The following ATRNL1 variants were observed in gnomAD, a reference collection of about 807,000 sequenced individuals.
The protein encoded by ATRNL1 is attractin like 1.
Under a neutral mutation model 182.7 loss-of-function variants are expected in ATRNL1, and 95 were observed. That is an observed-to-expected ratio of 0.52 (90% confidence interval 0.44 to 0.62). The LOEUF (loss-of-function observed/expected upper bound fraction) is 0.62. Ranked by LOEUF, ATRNL1 falls within the 20% of genes least tolerant of loss-of-function variation. ATRNL1 has a pLI of 0.00. For synonymous variants in ATRNL1, 576 were observed against 568.3 expected, an observed-to-expected ratio of 1.01 and a Z score of -0.19; for missense variants, 1,471 against 1,679.5, an observed-to-expected ratio of 0.88 and a Z score of 2.17.
At chr10:115,508,933 G>A (rs141255655) in intron 24 of ATRNL1, among the ~76,000 whole-genome samples, 2 of 152,118 alleles carry the variant, frequency 1.3e-5, no homozygotes, top group African/African-American at 4.8e-5. Context: ...GAATTTTATA[G>A]CAAAGAAGAC....
At chr10:115,789,792 C>A (rs1053667002) in intron 27 of ATRNL1, among the ~76,000 whole-genome samples, 1 of 152,036 alleles carries the variant, frequency 6.6e-6, no homozygotes, top group African/African-American at 2.4e-5. Flanking sequence ...AATTTTGCCT[C>A]GAAGTAAAAG....
intron 26 of ATRNL1, among the ~76,000 whole-genome samples, chr10:115,653,111 TA>T (rs1555034810): frequency 6.6e-6 from 1 of 152,222 alleles, no homozygotes. Context: ...GGCTGGTAAG[TA>T]AAACCCTTCA....
In ATRNL1 at chr10:115,250,286, T is replaced by A. The variant is rs61093347; in HGVS notation, c.1687+8561T>A. ...TACCCATGGTCAAGCATTCTATTTTTATCTGGACCCAGTGGCATGGCAGTA... is the reference window on the plus strand; with the variant it reads ...TACCCATGGTCAAGCATTCTATTTTAATCTGGACCCAGTGGCATGGCAGTA... On this transcript the variant is annotated intron_variant, in intron 10 of 28. Transcript: ENST00000355044. Among the ~76,000 whole-genome samples the A allele has an allele frequency of 7.6e-3, 1,164 of 152,360 alleles. 17 individuals are homozygous for A. Among genetic ancestry groups the A allele is most frequent in the African/African-American group, 0.027 (1,111 of 41,582 alleles).
chr10:115,915,645 T>G lies in ATRNL1; in HGVS notation c.4019-29013T>G, dbSNP rs980435246. On this transcript the variant is annotated intron_variant, in intron 28 of 28. Transcript: ENST00000355044. ...TTAGCTGTGCACTTTTAAATGAACA[T>G]CTTGCCTTTTGATTGATTATCTTAG... Among the ~76,000 whole-genome samples, 48 of 152,170 alleles carry G rather than the reference T, an allele frequency of 3.2e-4. 1 individual carries two copies. The highest frequency in any genetic ancestry group is 3.1e-3 in the Admixed American group (48 of 15,266).
chr10:115,401,943 G>C (rs1313849432), intron 20 of ATRNL1, among the ~76,000 whole-genome samples: 5 of 152,072 alleles, frequency 3.3e-5, no homozygotes, highest in Admixed American at 2.6e-4. Flanking sequence ...ATGAAATTCA[G>C]TAGTACTCAT....
chr10:115,591,854 A>G (rs972629239), intron 26 of ATRNL1, among the ~76,000 whole-genome samples: 1 of 152,226 alleles, frequency 6.6e-6, no homozygotes, highest in African/African-American at 2.4e-5. Context: ...TTGTTCTACC[A>G]AAAAGACACG....
At chr10:115,724,221 G>A (rs573019769) in intron 26 of ATRNL1, among the ~76,000 whole-genome samples, 3 of 152,214 alleles carry the variant, frequency 2.0e-5, no homozygotes, top group Admixed American at 2.0e-4. Flanking sequence ...TTCAGGATGA[G>A]TTTTTATCAT....
rs189799186 is a variant in ATRNL1 at position 115,136,389 on chromosome 10, A to G, written c.829+6854A>G. Among the ~76,000 whole-genome samples the G allele has an allele frequency of 1.6e-3, 239 of 152,306 alleles. 1 individual carries two copies. The highest frequency in any genetic ancestry group is 5.5e-3 in the African/African-American group (228 of 41,566). ...TGCATACACAGCTTCTCTCATTATC[A>G]GTATCTCCCACCAGAGTGTATATTC... On this transcript the variant is annotated intron_variant, in intron 5 of 28. Transcript: ENST00000355044.
chr10:115,787,980 C>T (rs1315192903), intron 27 of ATRNL1, among the ~76,000 whole-genome samples: 1 of 152,156 alleles, frequency 6.6e-6, no homozygotes, highest in Non-Finnish European at 1.5e-5. Flanking sequence ...CTGGCCTCCA[C>T]AATTGTGAGA....
chr10:115,359,017 A>G (rs1856623662), intron 19 of ATRNL1, among the ~76,000 whole-genome samples: 1 of 151,734 alleles, frequency 6.6e-6, no homozygotes, highest in South Asian at 2.1e-4. Flanking sequence ...GCCTATTTAA[A>G]TGGGTGTTAT....
At chr10:115,184,861 A>G (rs1361783659) in intron 8 of ATRNL1, among the ~76,000 whole-genome samples, 1 of 151,980 alleles carries the variant, frequency 6.6e-6, no homozygotes, top group Non-Finnish European at 1.5e-5. Flanking sequence ...TGAACACAGT[A>G]TTTGACTATG....
intron 26 of ATRNL1, among the ~76,000 whole-genome samples, chr10:115,557,821 C>T (rs1239116197): frequency 2.6e-5 from 4 of 152,020 alleles, no homozygotes; most frequent in African/African-American, 4.8e-5. Context: ...CCGAGGCTGG[C>T]GGATCATGAG....
chr10:115,489,175 G>A (rs2134647544), intron 24 of ATRNL1, among the ~76,000 whole-genome samples: 1 of 152,284 alleles, frequency 6.6e-6, no homozygotes, highest in African/African-American at 2.4e-5. Context: ...TAAGTGCAAT[G>A]TGGTGCTGAG....
chr10:115,823,925 T>C (rs1454565454), intron 27 of ATRNL1, among the ~76,000 whole-genome samples: 1 of 152,156 alleles, frequency 6.6e-6, no homozygotes, highest in Non-Finnish European at 1.5e-5. Context: ...TAGAAAAAGC[T>C]GCTTTAAATT....
At chr10:115,603,662 C>G (rs182841532) in intron 26 of ATRNL1, among the ~76,000 whole-genome samples, 1 of 152,276 alleles carries the variant, frequency 6.6e-6, no homozygotes, top group Non-Finnish European at 1.5e-5. Context: ...TAAGCATCAT[C>G]ATAAGCAGGC....
At chr10:115,775,661 AG>A (rs1281745221) in intron 27 of ATRNL1, among the ~76,000 whole-genome samples, 1 of 152,204 alleles carries the variant, frequency 6.6e-6, no homozygotes, top group Non-Finnish European at 1.5e-5. Flanking sequence ...TAAGGGTTTA[AG>A]AAGGAGAAAA....
chr10:115,645,500 A>T (rs1317777118), intron 26 of ATRNL1, among the ~76,000 whole-genome samples: 3 of 147,630 alleles, frequency 2.0e-5, no homozygotes, highest in Non-Finnish European at 3.0e-5. Flanking sequence ...AGATTTATAT[A>T]TATATAAATA....
chr10:115,240,059 G>A (rs1289579187), intron 9 of ATRNL1, among the ~76,000 whole-genome samples: 5 of 152,064 alleles, frequency 3.3e-5, no homozygotes, highest in African/African-American at 1.2e-4. Context: ...GTTGGGGTAA[G>A]TAATTATCTA....
chr10:115,572,618 AG>A (rs1854466611), intron 26 of ATRNL1, among the ~76,000 whole-genome samples: 1 of 152,190 alleles, frequency 6.6e-6, no homozygotes. Flanking sequence ...CAAGAGGGGA[AG>A]GTTCACATAG....
Sources: allele counts gnomAD v4.1 joint callset (sites outside exome capture counted in the v4.1 genomes callset), GRCh38; gene constraint gnomAD v4.1.1; transcripts MANE v1.5; gene names NCBI Gene and HGNC (gene_info 2026-07-23, HGNC 2026-07-21).